The following CTXND1 variants were observed in gnomAD, a reference collection of about 807,000 sequenced individuals.
CTXND1 encodes cortexin domain-containing 1 protein.
chr15:80,240,091 G>C (rs150894649), intron 1 of CTXND1, among the ~76,000 whole-genome samples: 2 of 152,066 alleles, frequency 1.3e-5, no homozygotes, highest in Non-Finnish European at 2.9e-5. Context: ...TCAGCCTCCC[G>C]AGTAGCTGGG....
rs16971863 is a variant in CTXND1, at chr15:80,232,282, C to T, written c.-218+19725G>A. ...CTCCCTGCCCCCGATCCTTTTGAAT[C>T]ACAGAGGAATCGCTTACAGAGTCTC... On this transcript the variant is annotated intron_variant, in intron 1 of 2. Coordinates refer to ENST00000560778, the MANE Select transcript of CTXND1 (RefSeq NM_001352888.2). 0.026 allele frequency among the ~76,000 whole-genome samples: 3,899 copies of T among 152,250 alleles called. 339 individuals are homozygous for T. In the East Asian group the frequency reaches 0.28, roughly 11 times the overall value.
intron 1 of CTXND1, among the ~76,000 whole-genome samples, chr15:80,232,467 G>C (rs1567133398): frequency 1.3e-5 from 2 of 152,124 alleles, no homozygotes; most frequent in Non-Finnish European, 2.9e-5. Context: ...AGCCTTTAAT[G>C]ATTTTTTGTT....
At chr15:80,251,446 C>T (rs1413181953) in intron 1 of CTXND1, among the ~76,000 whole-genome samples, 3 of 152,194 alleles carry the variant, frequency 2.0e-5, no homozygotes, top group African/African-American at 2.4e-5. Flanking sequence ...AAGTTACATC[C>T]GTGCTGACCT....
At chr15:80,204,407 A>G (rs1043473567) in intron 1 of CTXND1, among the ~76,000 whole-genome samples, 3 of 150,480 alleles carry the variant, frequency 2.0e-5, no homozygotes, top group African/African-American at 7.3e-5. Flanking sequence ...ATCTTGCAAA[A>G]CAAACTGTGC....
At chr15:80,216,725 C>G (rs1893257709) in intron 1 of CTXND1, among the ~76,000 whole-genome samples, 1 of 152,150 alleles carries the variant, frequency 6.6e-6, no homozygotes, top group Middle Eastern at 3.2e-3. Flanking sequence ...AGGGATTCTC[C>G]TGCCTCAGCC....
chr15:80,199,775 C>T lies in CTXND1; in HGVS notation c.*1995G>A, dbSNP rs1226214867. 6.6e-6 allele frequency: 1 copy of T among 152,242 alleles called. No homozygotes were observed. Among genetic ancestry groups the T allele is most frequent in the African/African-American group, 2.4e-5 (1 of 41,422 alleles). 9.4% of individuals were successfully genotyped at this position (152,242 alleles called of 1,614,324 possible). A position where few individuals can be genotyped will look rare whatever the true frequency, so the allele number is the denominator to read the frequency against. On this transcript the variant is annotated 3_prime_UTR_variant, in exon 3 of 3. Transcript: ENST00000560778. Reference sequence around the variant, plus strand: ...GAAGAGCTGTGGCCTTGTCCACATTCAGGGGTCACCTAGTAGTGATAGTGC... The same window carrying T: ...GAAGAGCTGTGGCCTTGTCCACATTTAGGGGTCACCTAGTAGTGATAGTGC...
chr15:80,245,611 C>A (rs1182554454), intron 1 of CTXND1, among the ~76,000 whole-genome samples: 1 of 152,104 alleles, frequency 6.6e-6, no homozygotes, highest in Non-Finnish European at 1.5e-5. Context: ...ATTGAGGCAG[C>A]CACAGAGGCC....
chr15:80,239,764 A>G (rs1234964496), intron 1 of CTXND1, among the ~76,000 whole-genome samples: 1 of 152,158 alleles, frequency 6.6e-6, no homozygotes, highest in Non-Finnish European at 1.5e-5. Flanking sequence ...CACAGAGTCC[A>G]GTCCCTTCAG....
intron 1 of CTXND1, among the ~76,000 whole-genome samples, chr15:80,217,424 T>C (rs968053767): frequency 6.6e-6 from 1 of 152,212 alleles, no homozygotes; most frequent in African/African-American, 2.4e-5. Flanking sequence ...GAATCTATTT[T>C]TTTGTACTAT....
intron 1 of CTXND1, among the ~76,000 whole-genome samples, chr15:80,217,766 C>A (rs771652935): frequency 6.6e-6 from 1 of 152,044 alleles, no homozygotes; most frequent in Non-Finnish European, 1.5e-5. Context: ...AGGCTGGTCT[C>A]GAACTCCTGA....
At chr15:80,232,371 C>T (rs965532111) in intron 1 of CTXND1, among the ~76,000 whole-genome samples, 6 of 152,158 alleles carry the variant, frequency 3.9e-5, no homozygotes, top group African/African-American at 1.4e-4. Flanking sequence ...CTCAGGAAAT[C>T]GAGCTCATGT....
chr15:80,220,243 A>G (rs1260098146), intron 1 of CTXND1, among the ~76,000 whole-genome samples: 1 of 152,098 alleles, frequency 6.6e-6, no homozygotes, highest in Non-Finnish European at 1.5e-5. Context: ...CATCTGAGAT[A>G]GTTTTTTTCA....
intron 1 of CTXND1, among the ~76,000 whole-genome samples, chr15:80,219,536 C>T (rs1352368348): frequency 6.6e-6 from 1 of 152,138 alleles, no homozygotes; most frequent in African/African-American, 2.4e-5. Context: ...TTTTTCTAGG[C>T]TATGTTAATT....
chr15:80,229,944 T>C (rs1893410753), intron 1 of CTXND1, among the ~76,000 whole-genome samples: 2 of 152,186 alleles, frequency 1.3e-5, no homozygotes, highest in South Asian at 4.1e-4. Context: ...AGGCCCTGTG[T>C]TGAAGTAAGG....
intron 1 of CTXND1, among the ~76,000 whole-genome samples, chr15:80,246,627 G>C (rs1200227725): frequency 1.0e-5 from 1 of 96,528 alleles, no homozygotes; most frequent in Admixed American, 1.1e-4. Context: ...CAGGCAGAAT[G>C]AACTGTGGAC....
In CTXND1 at chr15:80,197,378, G is replaced by C. The variant is rs1185251118; in HGVS notation, c.*4392C>G. ...AGCTACCTTGCCTTGTCATCCCTGG[G>C]TGTTTTACTGTTCCCTGTTGTTTTC... is the stretch of plus-strand genomic sequence containing the variant. On this transcript the variant is annotated 3_prime_UTR_variant, in exon 3 of 3. Transcript: ENST00000560778. The C allele has an allele frequency of 6.6e-6, 1 of 152,220 alleles. No homozygotes were observed. The highest frequency in any genetic ancestry group is 2.4e-5 in the African/African-American group (1 of 41,436). 9.4% of individuals were successfully genotyped at this position (152,220 alleles called of 1,614,324 possible).
intron 1 of CTXND1, among the ~76,000 whole-genome samples, chr15:80,204,625 A>G (rs1893127178): frequency 1.4e-5 from 2 of 142,210 alleles, no homozygotes; most frequent in Non-Finnish European, 3.0e-5. Context: ...CATTTTTTTT[A>G]AGGTCCGAAT....
At chr15:80,223,668 C>T (rs992598663) in intron 1 of CTXND1, among the ~76,000 whole-genome samples, 4 of 152,138 alleles carry the variant, frequency 2.6e-5, no homozygotes, top group African/African-American at 9.7e-5. Flanking sequence ...ATTGACACTC[C>T]TATCAACAGT....
At chr15:80,251,383 A>G (rs868035464) in intron 1 of CTXND1, among the ~76,000 whole-genome samples, 1 of 152,216 alleles carries the variant, frequency 6.6e-6, no homozygotes, top group African/African-American at 2.4e-5. Flanking sequence ...ACAAAATCCA[A>G]CGGAGACTTG....
Sources: gnomAD v4.1 joint callset for allele counts (sites outside exome capture counted in the v4.1 genomes callset) on GRCh38, gnomAD v4.1.1 for gene constraint, MANE v1.5 for transcripts, NCBI Gene and HGNC (gene_info 2026-07-23, HGNC 2026-07-21) for gene names.